AXIN1: variants seen among roughly 807,000 people sequenced by gnomAD.
AXIN1 encodes the protein axin 1, also known as axin-1.
A neutral mutation model predicts 76.4 loss-of-function variants in AXIN1; 30 were observed. The observed-to-expected ratio is 0.39, with a 90% CI of 0.29 to 0.53. The LOEUF is 0.53. Ranked by LOEUF, AXIN1 falls within the 20% of genes least tolerant of loss-of-function variation. The pLI is 0.66. For synonymous variants in AXIN1, 545 were observed against 501.4 expected, an observed-to-expected ratio of 1.09 and a Z score of -1.16; for missense variants, 1,140 against 1,198.8, an observed-to-expected ratio of 0.95 and a Z score of 0.72.
intron 1 of AXIN1, among the ~76,000 whole-genome samples, chr16:350,770 C>T (rs2054126850): frequency 6.6e-6 from 1 of 152,358 alleles, no homozygotes; most frequent in Middle Eastern, 3.4e-3. Context: ...TCAACACCAG[C>T]TGAAAATCAA....
intron 7 of AXIN1, among the ~76,000 whole-genome samples, chr16:296,060 G>C (rs565169861): frequency 2.6e-5 from 4 of 152,198 alleles, no homozygotes; most frequent in Non-Finnish European, 4.4e-5. Context: ...GAGCCCAAAA[G>C]CTTGAGACCC....
Position 352,460 on chromosome 16 carries a change from G to A in AXIN1, c.-173C>T, listed in dbSNP as rs1297383275. ...GCGCTCAGCGGCAGCGCGGCGGGCG[G>A]GACCCGGCGGGGGCGCGGCCCGGGG... is the stretch of plus-strand genomic sequence containing the variant. On this transcript the variant is annotated 5_prime_UTR_variant, in exon 1 of 11. Coordinates refer to ENST00000262320, the MANE Select transcript of AXIN1 (RefSeq NM_003502.4). 4.1e-6 allele frequency: 4 copies of A among 971,824 alleles called. No homozygotes were observed. Among genetic ancestry groups the A allele is most frequent in the Non-Finnish European group, 4.9e-6 (4 of 820,704 alleles). 60.2% of individuals were successfully genotyped at this position (971,824 alleles called of 1,614,324 possible).
Position 288,046 on chromosome 16 carries a change from C to G in AXIN1, c.*76G>C, listed in dbSNP as rs546459136. 3 of 1,607,368 alleles carry G rather than the reference C, an allele frequency of 1.9e-6. No individual in the cohort carries two copies. Among genetic ancestry groups the G allele is most frequent in the South Asian group, 2.2e-5 (2 of 91,014 alleles). The stretch of plus-strand genomic sequence containing the variant: ...CTGTTCCCCATCGGGCTCCTGAGTA[C>G]GAGGTCATCTGCCTGGCCGTGACAC... On this transcript the variant is annotated 3_prime_UTR_variant, in exon 11 of 11. Transcript: ENST00000262320.
chr16:340,781 C>G (rs765675275), intron 2 of AXIN1, among the ~76,000 whole-genome samples: 1 of 152,186 alleles, frequency 6.6e-6, no homozygotes, highest in African/African-American at 2.4e-5. Flanking sequence ...GGGACAAACA[C>G]AGAAAAGGGC....
intron 2 of AXIN1, among the ~76,000 whole-genome samples, chr16:315,968 G>A (rs1483413028): frequency 3.9e-5 from 6 of 152,014 alleles, no homozygotes; most frequent in Non-Finnish European, 8.8e-5. Context: ...CAAGAGAATC[G>A]CTTGAACCCG....
Position 332,456 on chromosome 16 carries a change from A to G in AXIN1, c.878+13692T>C, listed in dbSNP as rs1040991740. ...GCTGGGCGTGGTGGCGGGCGCCTGT[A>G]GTCCCAGCTCTAGGGAGGCTGAGGC... On this transcript the variant is annotated intron_variant, in intron 2 of 10. Coordinates refer to ENST00000262320, the MANE Select transcript of AXIN1 (RefSeq NM_003502.4). 1.2e-4 allele frequency among the ~76,000 whole-genome samples: 18 copies of G among 151,966 alleles called. 1 individual carries two copies. Among genetic ancestry groups the G allele is most frequent in the Non-Finnish European group, 1.2e-4 (8 of 67,990 alleles).
At chr16:308,748 C>T (rs530538819) in intron 4 of AXIN1, among the ~76,000 whole-genome samples, 3 of 152,272 alleles carry the variant, frequency 2.0e-5, no homozygotes, top group Admixed American at 6.5e-5. Flanking sequence ...CACGCACACA[C>T]GCACGCACCC....
At position 291,068 on chromosome 16, in the gene AXIN1, C is replaced by T. The variant is rs925975196; in HGVS notation, c.2294+122G>A. ...GATGCCACGGGACCCTCTCCTGCCA[C>T]AGCTGCTTCTGAGCGTGGTACCCGA... is the stretch of plus-strand genomic sequence containing the variant. On this transcript the variant is annotated intron_variant, in intron 9 of 10. Coordinates refer to ENST00000262320, the MANE Select transcript of AXIN1 (RefSeq NM_003502.4). 4 of 913,218 alleles carry T rather than the reference C, an allele frequency of 4.4e-6. No individual in the cohort carries two copies. The African/African-American group carries it at 6.6e-5, about 15-fold the overall frequency. 56.6% of individuals were successfully genotyped at this position (913,218 alleles called of 1,614,324 possible).
intron 10 of AXIN1, among the ~76,000 whole-genome samples, chr16:288,477 C>T (rs1414903262): frequency 6.6e-6 from 1 of 152,224 alleles, no homozygotes; most frequent in Non-Finnish European, 1.5e-5. Flanking sequence ...GCTGGGAGCA[C>T]CCCACATCCC....
In AXIN1 at chr16:290,990, T is replaced by G. The variant is rs1428293939; in HGVS notation, c.2294+200A>C. 5 of 638,666 alleles carry G rather than the reference T, an allele frequency of 7.8e-6. No homozygotes were observed. In the East Asian group the frequency reaches 1.1e-4, roughly 14 times the overall value. 39.6% of individuals were successfully genotyped at this position (638,666 alleles called of 1,614,324 possible). A position where few individuals can be genotyped will look rare whatever the true frequency, so the allele number is the denominator to read the frequency against. On this transcript the variant is annotated intron_variant, in intron 9 of 10. Transcript: ENST00000262320. ...GGTCACTTGTCATCATGCTGGACAG[T>G]CAGCGTCTCCTTTGATGGAGACAGG...
At chr16:313,646 G>T (rs918050181) in intron 3 of AXIN1, among the ~76,000 whole-genome samples, 1 of 152,188 alleles carries the variant, frequency 6.6e-6, no homozygotes, top group South Asian at 2.1e-4. Context: ...GGCGTGTGGC[G>T]CACAGACCAG....
chr16:335,527 G>A (rs139652092), intron 2 of AXIN1, among the ~76,000 whole-genome samples: 73 of 151,578 alleles, frequency 4.8e-4, no homozygotes, highest in African/African-American at 1.8e-3. Context: ...CAGTACCACG[G>A]CACACCAATA....
chr16:317,899 T>C (rs904966459), intron 2 of AXIN1, among the ~76,000 whole-genome samples: 1 of 152,242 alleles, frequency 6.6e-6, no homozygotes. Context: ...CTTTGGTAAC[T>C]TTCTATAAAC....
intron 2 of AXIN1, among the ~76,000 whole-genome samples, chr16:343,567 G>A (rs540597734): frequency 6.6e-6 from 1 of 151,058 alleles, no homozygotes; most frequent in Non-Finnish European, 1.5e-5. Context: ...GCTGGGCATG[G>A]TAGCTCACAC....
chr16:288,315 G>A (rs2052445435), intron 10 of AXIN1, 67 bp from the exon 11 acceptor site: 1 of 1,597,218 alleles, frequency 6.3e-7, no homozygotes, highest in East Asian at 2.2e-5. Flanking sequence ...GCCTGTGGCA[G>A]GGGACGGCGT....
At chr16:330,828 A>G (rs2053677394) in intron 2 of AXIN1, among the ~76,000 whole-genome samples, 1 of 152,242 alleles carries the variant, frequency 6.6e-6, no homozygotes, top group South Asian at 2.1e-4. Context: ...GGTTCCAAAG[A>G]ACAGCCAATG....
In AXIN1 at chr16:297,218, A is replaced by C. The variant is rs2052735444; in HGVS notation, c.1793T>G (p.Val598Gly). The part of the protein sequence containing the change: ...ASDGLAHSGK[V>G]GVACKRNAKK... ...GGCATTTCTTTTGCACGCCACGCCC[A>C]CCTTCCCACTGCAAGGGCAAGAGCT... Residue 598 changes from valine to glycine, a missense_variant, in exon 7 of 11, where the codon GTG (valine) becomes GGG (glycine). By Grantham distance (109) the Val-to-Gly change is moderately radical (BLOSUM62 -3). Around this residue, in one of 3 missense-constraint regions of AXIN1, gnomAD observed 429 missense variants for 405.8 expected, o/e 1.06. Coordinates refer to ENST00000262320, the MANE Select transcript of AXIN1 (RefSeq NM_003502.4). The C allele has an allele frequency of 6.2e-7, 1 of 1,606,190 alleles. No homozygotes were observed. The highest frequency in any genetic ancestry group is 8.5e-7 in the Non-Finnish European group (1 of 1,179,846).
At position 352,324 on chromosome 16, in the gene AXIN1, C is replaced by G. The variant is rs2054163240; in HGVS notation, c.-82+45G>C. Reference sequence around the variant, plus strand: ...CCGCCGCTTCCGGGTCCCGCCCGCCCGGCCTACCGCGGCCTAGCCCGCCCC... The same window carrying G: ...CCGCCGCTTCCGGGTCCCGCCCGCCGGGCCTACCGCGGCCTAGCCCGCCCC... On this transcript the variant is annotated intron_variant, in intron 1 of 10. Coordinates refer to ENST00000262320, the MANE Select transcript of AXIN1 (RefSeq NM_003502.4). The G allele has an allele frequency of 4.1e-6, 4 of 969,926 alleles. No homozygotes were observed. The Admixed American group carries it at 1.9e-4, about 46-fold the overall frequency. The allele number at this position is 969,926 out of a possible 1,614,324, so 60.1% of individuals were successfully genotyped here.
At chr16:344,857 A>T (rs1191468056) in intron 2 of AXIN1, among the ~76,000 whole-genome samples, 1 of 152,192 alleles carries the variant, frequency 6.6e-6, no homozygotes, top group African/African-American at 2.4e-5. Flanking sequence ...TCCTGTGTTG[A>T]TGAGCGAGTA....
Sources: allele counts gnomAD v4.1 joint callset (sites outside exome capture counted in the v4.1 genomes callset), GRCh38; gene constraint gnomAD v4.1.1; regional missense constraint gnomAD v4.1.1; transcripts MANE v1.5; gene names NCBI Gene and HGNC (gene_info 2026-07-23, HGNC 2026-07-21).